Variants in LRP1B observed in about 807,000 individuals in gnomAD.
LRP1B encodes low-density lipoprotein receptor-related protein 1B.
LRP1B carries 217 observed loss-of-function variants against 556.6 expected under a neutral mutation model. That is an observed-to-expected ratio of 0.39 (90% CI 0.35 to 0.44). The LOEUF (loss-of-function observed/expected upper bound fraction) is 0.44, where lower values mean the gene tolerates loss of function less well. Ranked by LOEUF, LRP1B falls within the 20% of genes least tolerant of loss-of-function variation. The pLI is 1.00. For missense variants in LRP1B, 5,053 were observed against 5,620.8 expected, an observed-to-expected ratio of 0.90 and a Z score of 3.23; for synonymous variants, 2,047 against 1,865.8, an observed-to-expected ratio of 1.10 and a Z score of -2.50.
At chr2:140,931,235 C>T (rs1048446932) in intron 20 of LRP1B, among the ~76,000 whole-genome samples, 1 of 152,118 alleles carries the variant, frequency 6.6e-6, no homozygotes, top group Non-Finnish European at 1.5e-5. Flanking sequence ...CCCATTGGAC[C>T]TTCATGACTG....
intron 14 of LRP1B, among the ~76,000 whole-genome samples, chr2:141,010,451 G>A (rs1697707560): frequency 6.6e-6 from 1 of 151,838 alleles, no homozygotes; most frequent in Non-Finnish European, 1.5e-5. Flanking sequence ...GTAGCTTTCT[G>A]TTTAATATGT....
chr2:140,920,638 G>A (rs1694711495), intron 21 of LRP1B, among the ~76,000 whole-genome samples: 1 of 151,996 alleles, frequency 6.6e-6, no homozygotes, highest in Non-Finnish European at 1.5e-5. Flanking sequence ...GTTCATTGAA[G>A]TCTGTCATAA....
intron 2 of LRP1B, among the ~76,000 whole-genome samples, chr2:141,505,781 C>T (rs1208305112): frequency 6.6e-6 from 1 of 151,932 alleles, no homozygotes; most frequent in African/African-American, 2.4e-5. Context: ...ATTAAGATTG[C>T]TTTAGGGTTG....
chr2:141,756,391 A>G lies in LRP1B; in HGVS notation c.205+53888T>C, dbSNP rs77213567. Among the ~76,000 whole-genome samples the G allele has an allele frequency of 1.3e-3, 203 of 152,252 alleles. 1 individual carries two copies. The East Asian group carries it at 0.024, about 18-fold the overall frequency. Reference sequence around the variant, plus strand: ...AATTGAAAAATATATTGAATTCAACAGGAATTAAGTCCAATTTCCCAAAAA... The same window carrying G: ...AATTGAAAAATATATTGAATTCAACGGGAATTAAGTCCAATTTCCCAAAAA... On this transcript the variant is annotated intron_variant, in intron 2 of 90. Transcript: ENST00000389484.
chr2:141,739,212 T>G (rs977104110), intron 2 of LRP1B, among the ~76,000 whole-genome samples: 1 of 152,128 alleles, frequency 6.6e-6, no homozygotes, highest in Non-Finnish European at 1.5e-5. Context: ...TTTTATTCTG[T>G]TATCCTCTTT....
At chr2:142,014,055 C>T (rs1265080896) in intron 1 of LRP1B, among the ~76,000 whole-genome samples, 1 of 152,136 alleles carries the variant, frequency 6.6e-6, no homozygotes, top group African/African-American at 2.4e-5. Context: ...ATCACAAACC[C>T]TTGCAGCAGA....
intron 32 of LRP1B, among the ~76,000 whole-genome samples, chr2:140,781,713 A>G (rs935091956): frequency 3.9e-5 from 6 of 152,234 alleles, no homozygotes; most frequent in Non-Finnish European, 8.8e-5. Flanking sequence ...GTTTCCATAC[A>G]TATGTCTTCA....
chr2:142,088,974 CAAAAAAAA>C (rs1289382985), intron 1 of LRP1B, among the ~76,000 whole-genome samples: 1 of 39,756 alleles, frequency 2.5e-5, no homozygotes, highest in East Asian at 1.1e-3. Context: ...GGCTCCGTCT[CAAAAAAAA>C]AAAAAAAAAA....
At chr2:141,078,828 T>A (rs1318481327) in intron 7 of LRP1B, among the ~76,000 whole-genome samples, 1 of 152,200 alleles carries the variant, frequency 6.6e-6, no homozygotes, top group Admixed American at 6.5e-5. Context: ...ACTCAAATTG[T>A]AGTGCTAATT....
At chr2:141,392,487 ACT>A (rs1690089758) in intron 3 of LRP1B, among the ~76,000 whole-genome samples, 4 of 141,982 alleles carry the variant, frequency 2.8e-5, no homozygotes, top group African/African-American at 1.0e-4. Flanking sequence ...AAAAAGAGAG[ACT>A]GTCACTCACT....
intron 23 of LRP1B, 27 bp downstream of exon 23, chr2:140,902,893 A>G: frequency 6.2e-7 from 1 of 1,606,260 alleles, no homozygotes; most frequent in Non-Finnish European, 8.5e-7. Flanking sequence ...TCTTAAATAT[A>G]GCAACACACA....
At chr2:141,935,116 A>G (rs1700600466) in intron 1 of LRP1B, among the ~76,000 whole-genome samples, 1 of 152,206 alleles carries the variant, frequency 6.6e-6, no homozygotes, top group African/African-American at 2.4e-5. Flanking sequence ...AAAGCAAAAT[A>G]AGACAGAATT....
chr2:141,078,892 A>T (rs765903341), intron 7 of LRP1B, among the ~76,000 whole-genome samples: 1 of 152,192 alleles, frequency 6.6e-6, no homozygotes, highest in Non-Finnish European at 1.5e-5. Context: ...TTACCATGAT[A>T]AATTCTCTTT....
chr2:142,033,174 T>G (rs1703763616), intron 1 of LRP1B, among the ~76,000 whole-genome samples: 1 of 151,844 alleles, frequency 6.6e-6, no homozygotes, highest in Non-Finnish European at 1.5e-5. Flanking sequence ...TCAATTTAAT[T>G]CCTATAATTA....
intron 3 of LRP1B, among the ~76,000 whole-genome samples, chr2:141,304,415 T>G (rs1251659167): frequency 6.6e-6 from 1 of 151,732 alleles, no homozygotes; most frequent in Admixed American, 6.6e-5. Flanking sequence ...TAGTTTCATG[T>G]CTCTAAGACA....
intron 9 of LRP1B, among the ~76,000 whole-genome samples, chr2:141,055,761 A>C (rs1468115549): frequency 6.7e-6 from 1 of 149,876 alleles, no homozygotes. Context: ...ATATTTTTTA[A>C]ATTTTTAAGT....
At chr2:140,362,347 T>G (rs1682551363) in intron 72 of LRP1B, among the ~76,000 whole-genome samples, 1 of 151,710 alleles carries the variant, frequency 6.6e-6, no homozygotes, top group Non-Finnish European at 1.5e-5. Context: ...ATCTCCAATT[T>G]AACAATAGTT....
chr2:140,871,637 T>C (rs1693132771), intron 25 of LRP1B, among the ~76,000 whole-genome samples: 1 of 152,166 alleles, frequency 6.6e-6, no homozygotes, highest in South Asian at 2.1e-4. Flanking sequence ...TTCATGGAGA[T>C]GTGAAAGGAA....
chr2:140,748,607 A>G (rs1688434355), intron 35 of LRP1B, among the ~76,000 whole-genome samples: 1 of 109,688 alleles, frequency 9.1e-6, no homozygotes, highest in South Asian at 2.5e-4. Context: ...ATATATATAT[A>G]TATATATATA....
Sources: gnomAD v4.1 joint callset for allele counts (sites outside exome capture counted in the v4.1 genomes callset) on GRCh38, gnomAD v4.1.1 for gene constraint, MANE v1.5 for transcripts, NCBI Gene and HGNC (gene_info 2026-07-23, HGNC 2026-07-21) for gene names.